Variants in SYNE3 observed in about 807,000 individuals in gnomAD.
The protein encoded by SYNE3 is nesprin-3.
Under a neutral mutation model 111.2 loss-of-function variants are expected in SYNE3, and 100 were observed. The observed-to-expected ratio is 0.90, with a 90% CI of 0.77 to 1.06. The LOEUF is 1.06. Among genes scored for constraint, SYNE3 ranks in the 50% least tolerant of loss-of-function variants. SYNE3 has a pLI of 0.00. For synonymous variants in SYNE3, 547 were observed against 533.9 expected, an observed-to-expected ratio of 1.02 and a Z score of -0.34; for missense variants, 1,160 against 1,240.3, an observed-to-expected ratio of 0.94 and a Z score of 0.97.
At chr14:95,481,131 A>G (rs1011258711) in intron 1 of SYNE3, among the ~76,000 whole-genome samples, 26 of 152,250 alleles carry the variant, frequency 1.7e-4, no homozygotes, top group Admixed American at 1.6e-3. Context: ...ACCCTAGATA[A>G]GAATGCGCAG....
intron 15 of SYNE3, 118 bp from the exon 16 acceptor site, chr14:95,433,527 G>A (rs1318392980): frequency 2.1e-5 from 30 of 1,400,066 alleles, no homozygotes; most frequent in Middle Eastern, 4.6e-4. Flanking sequence ...GGAGGAGGCA[G>A]ACAGAATCCA....
chr14:95,489,760 G>T (rs920103423), intron 1 of SYNE3, among the ~76,000 whole-genome samples: 15 of 148,092 alleles, frequency 1.0e-4, no homozygotes, highest in African/African-American at 3.5e-4. Flanking sequence ...ATTTTTTTTT[G>T]AAAAGAAAGA....
Position 95,409,533 on chromosome 14 carries a change from G to C in SYNE3, c.*8293C>G, listed in dbSNP as rs1903379666. On this transcript the variant is annotated 3_prime_UTR_variant, in exon 18 of 18. Transcript: ENST00000682763. ...GATTGCTGTCTCTCGGCTGGACAAGGTGGTTGGGTTGGGGATGATGTTACC... is the reference window on the plus strand; with the variant it reads ...GATTGCTGTCTCTCGGCTGGACAAGCTGGTTGGGTTGGGGATGATGTTACC... 5.1e-6 allele frequency: 2 copies of C among 392,974 alleles called. No individual in the cohort carries two copies. The highest frequency in any genetic ancestry group is 6.2e-5 in the Admixed American group (2 of 32,024). 24.3% of individuals were successfully genotyped at this position (392,974 alleles called of 1,614,324 possible). A position where few individuals can be genotyped will look rare whatever the true frequency, so the allele number is the denominator to read the frequency against.
rs1903617703 is a variant in SYNE3 at position 95,417,505 on chromosome 14, G to A, written c.*321C>T. On this transcript the variant is annotated 3_prime_UTR_variant, in exon 18 of 18. Coordinates refer to ENST00000682763, the MANE Select transcript of SYNE3 (RefSeq NM_152592.6). ...ACAATACCACAAAATCCCATTGGAG[G>A]GAGCCATTGCTAGGAATTTTCCCAA... The A allele has an allele frequency of 2.7e-6, 1 of 366,878 alleles. No homozygotes were observed. Among genetic ancestry groups the A allele is most frequent in the Non-Finnish European group, 5.1e-6 (1 of 194,630 alleles). The allele number at this position is 366,878 out of a possible 1,614,324, so 22.7% of individuals were successfully genotyped here.
chr14:95,504,822 AAAAAAAG>A (rs10592429), intron 1 of SYNE3, among the ~76,000 whole-genome samples: 94,332 of 150,190 alleles, frequency 0.63, 30,348 homozygotes, highest in African/African-American at 0.76. Flanking sequence ...CTCTATCTAA[AAAAAAAG>A]AAAAAAGAAA....
chr14:95,418,475 C>T (rs1398389018), intron 17 of SYNE3, among the ~76,000 whole-genome samples: 1 of 152,144 alleles, frequency 6.6e-6, no homozygotes, highest in African/African-American at 2.4e-5. Context: ...TAGTATGCAT[C>T]CTTAATATTT....
intron 4 of SYNE3, among the ~76,000 whole-genome samples, chr14:95,465,188 G>C (rs972625989): frequency 7.2e-5 from 11 of 152,268 alleles, no homozygotes; most frequent in African/African-American, 2.6e-4. Context: ...AGGAGGAAGG[G>C]AGGGGAGGAG....
intron 17 of SYNE3, among the ~76,000 whole-genome samples, chr14:95,418,432 A>C (rs994198270): frequency 3.3e-5 from 5 of 152,174 alleles, no homozygotes; most frequent in Non-Finnish European, 7.4e-5. Context: ...AGAGCCTGGC[A>C]CATAGTAAGT....
intron 10 of SYNE3, 63 bp downstream of exon 10, chr14:95,444,422 C>A: frequency 6.6e-7 from 1 of 1,523,306 alleles, no homozygotes; most frequent in Non-Finnish European, 8.8e-7. Flanking sequence ...TAGAGGGAGA[C>A]GCTGCTTCCA....
At chr14:95,491,791 T>G (rs1038237355) in intron 1 of SYNE3, among the ~76,000 whole-genome samples, 1 of 142,212 alleles carries the variant, frequency 7.0e-6, no homozygotes, top group African/African-American at 2.6e-5. Flanking sequence ...AAAAAAAAAG[T>G]GACACCATCA....
At chr14:95,453,837 G>A (rs921174716) in intron 6 of SYNE3, among the ~76,000 whole-genome samples, 5 of 152,230 alleles carry the variant, frequency 3.3e-5, no homozygotes, top group Admixed American at 6.5e-5. Flanking sequence ...TGGGAAGGAC[G>A]CTGCCCCATG....
rs536973117 is a variant in SYNE3, at chr14:95,460,726, T to C, written c.628-3388A>G. The stretch of plus-strand genomic sequence containing the variant: ...TGCTGGCTTCCCCTTCCTGCAGGGT[T>C]ATTTAAATCCGTCAAAACTCTCCTG... On this transcript the variant is annotated intron_variant, in intron 4 of 17. Transcript: ENST00000682763. Among the ~76,000 whole-genome samples, 19 of 152,306 alleles carry C rather than the reference T, an allele frequency of 1.2e-4. No individual in the cohort carries two copies. In the East Asian group the frequency reaches 3.7e-3, roughly 29 times the overall value.
At chr14:95,455,745 A>C (rs773674251) in intron 5 of SYNE3, 21 bp from the exon 6 acceptor site, 5 of 1,606,124 alleles carry the variant, frequency 3.1e-6, no homozygotes, top group Non-Finnish European at 4.3e-6. Flanking sequence ...TAGAGGGGTG[A>C]GGGAAAAACA....
chr14:95,474,153 G>GCCA (rs1349003801), intron 2 of SYNE3, among the ~76,000 whole-genome samples: 2 of 152,238 alleles, frequency 1.3e-5, no homozygotes, highest in African/African-American at 4.8e-5. Flanking sequence ...TGGAGCTAAG[G>GCCA]CTGGTGTGAT....
chr14:95,432,553 G>C (rs1052262115), intron 16 of SYNE3, among the ~76,000 whole-genome samples: 8 of 152,122 alleles, frequency 5.3e-5, no homozygotes, highest in African/African-American at 1.7e-4. Context: ...TTGGTTCACA[G>C]GGCATATAAC....
At chr14:95,428,005 A>T (rs1885536684) in intron 17 of SYNE3, among the ~76,000 whole-genome samples, 1 of 152,208 alleles carries the variant, frequency 6.6e-6, no homozygotes, top group Non-Finnish European at 1.5e-5. Flanking sequence ...CCATTATTTT[A>T]CAAACCGCTA....
intron 4 of SYNE3, among the ~76,000 whole-genome samples, chr14:95,458,931 C>T (rs1037682244): frequency 1.3e-5 from 2 of 152,242 alleles, no homozygotes; most frequent in Non-Finnish European, 2.9e-5. Context: ...AACACTCAAA[C>T]AATCACAAAA....
At chr14:95,459,984 C>G (rs1195525982) in intron 4 of SYNE3, among the ~76,000 whole-genome samples, 1 of 152,032 alleles carries the variant, frequency 6.6e-6, no homozygotes, top group African/African-American at 2.4e-5. Flanking sequence ...GTAGTCCCAG[C>G]TACTTGGGAG....
At chr14:95,498,335 C>G (rs1443513755) in intron 1 of SYNE3, among the ~76,000 whole-genome samples, 1 of 152,182 alleles carries the variant, frequency 6.6e-6, no homozygotes, top group Non-Finnish European at 1.5e-5. Context: ...GGATTCCATT[C>G]ATTTCACCAG....
Sources: allele counts gnomAD v4.1 joint callset (sites outside exome capture counted in the v4.1 genomes callset), GRCh38; gene constraint gnomAD v4.1.1; transcripts MANE v1.5; gene names NCBI Gene and HGNC (gene_info 2026-07-23, HGNC 2026-07-21).